TANC1: variants seen among roughly 807,000 people sequenced by gnomAD.
The protein encoded by TANC1 is protein TANC1.
A neutral mutation model predicts 149.7 loss-of-function variants in TANC1; 77 were observed. The observed-to-expected ratio is 0.51, with a 90% CI of 0.43 to 0.62. The LOEUF (loss-of-function observed/expected upper bound fraction) is 0.62. Among genes scored for constraint, TANC1 ranks in the 20% least tolerant of loss-of-function variants. The pLI, the probability that TANC1 is intolerant of heterozygous loss-of-function variation, is 0.00. For missense variants in TANC1, 1,985 were observed against 2,321.8 expected (o/e 0.85, Z 2.98); for synonymous variants, 854 against 925.0 (o/e 0.92, Z 1.39).
intron 2 of TANC1, among the ~76,000 whole-genome samples, chr2:159,007,519 C>T (rs535364980): frequency 6.6e-6 from 1 of 152,148 alleles, no homozygotes; most frequent in Non-Finnish European, 1.5e-5. Flanking sequence ...CAGTTGCCTA[C>T]AGTATTCACT....
chr2:159,190,986 G>A (rs1014268643), intron 16 of TANC1, among the ~76,000 whole-genome samples: 1 of 152,236 alleles, frequency 6.6e-6, no homozygotes, highest in Admixed American at 6.5e-5. Context: ...TAAGTCATTT[G>A]CCTGAAGTTG....
intron 21 of TANC1, 52 bp from the exon 22 acceptor site, chr2:159,219,640 T>C: frequency 6.2e-7 from 1 of 1,609,490 alleles, no homozygotes; most frequent in Non-Finnish European, 8.5e-7. Context: ...ATTTGCTTTC[T>C]GGCTTTGTCA....
At chr2:158,974,229 C>T (rs59905511) in intron 1 of TANC1, among the ~76,000 whole-genome samples, 1 of 152,020 alleles carries the variant, frequency 6.6e-6, no homozygotes, top group South Asian at 2.1e-4. Context: ...TTCCCTGTGC[C>T]TAGGCTCACT....
chr2:159,155,019 T>C (rs1158105741), intron 7 of TANC1, among the ~76,000 whole-genome samples: 2 of 152,250 alleles, frequency 1.3e-5, no homozygotes, highest in African/African-American at 2.4e-5. Flanking sequence ...CTGTAAGCTG[T>C]ATTAATCCCA....
chr2:159,134,950 A>G (rs930247229), intron 4 of TANC1, among the ~76,000 whole-genome samples: 2 of 152,136 alleles, frequency 1.3e-5, no homozygotes, highest in African/African-American at 4.8e-5. Context: ...TTGTTTAGGT[A>G]TAATACACAT....
chr2:159,034,834 G>T (rs1032774071), intron 2 of TANC1, among the ~76,000 whole-genome samples: 2 of 152,212 alleles, frequency 1.3e-5, no homozygotes, highest in East Asian at 3.8e-4. Context: ...CTGTGCTGTG[G>T]TTGAGTGTGA....
At chr2:158,991,849 A>T (rs562377856) in intron 1 of TANC1, among the ~76,000 whole-genome samples, 1 of 152,184 alleles carries the variant, frequency 6.6e-6, no homozygotes, top group Admixed American at 6.5e-5. Context: ...AACCTGTGCT[A>T]CTACAGTGTC....
At chr2:158,983,386 G>C (rs988530370) in intron 1 of TANC1, among the ~76,000 whole-genome samples, 1 of 148,030 alleles carries the variant, frequency 6.8e-6, no homozygotes, top group Admixed American at 6.9e-5. Flanking sequence ...AGAATAGCGT[G>C]AACCCGGGAG....
intron 1 of TANC1, among the ~76,000 whole-genome samples, chr2:158,979,571 C>T (rs1435338224): frequency 6.6e-6 from 1 of 151,618 alleles, no homozygotes; most frequent in Non-Finnish European, 1.5e-5. Context: ...TATTTCTGGT[C>T]CTGGAAACCC....
intron 2 of TANC1, among the ~76,000 whole-genome samples, chr2:159,065,361 T>A (rs1257045232): frequency 6.6e-6 from 1 of 152,228 alleles, no homozygotes; most frequent in East Asian, 1.9e-4. Flanking sequence ...CTGATCAGGG[T>A]TAAAATGTGT....
At position 159,140,843 on chromosome 2, in the gene TANC1, G is replaced by T. The variant is rs189752604; in HGVS notation, c.364+4545G>T. Among the ~76,000 whole-genome samples, 163 of 151,828 alleles carry T rather than the reference G, an allele frequency of 1.1e-3. 3 individuals carry two copies. Among genetic ancestry groups the T allele is most frequent in the African/African-American group, 3.7e-3 (154 of 41,398 alleles). On this transcript the variant is annotated intron_variant, in intron 5 of 26. Coordinates refer to ENST00000263635, the MANE Select transcript of TANC1 (RefSeq NM_033394.3). Reference sequence around the variant, plus strand: ...GTAGCTGGGATTACAGGCACCCACCGCCACACCCGGCTAATTTTTGTATTT... The same window carrying T: ...GTAGCTGGGATTACAGGCACCCACCTCCACACCCGGCTAATTTTTGTATTT...
chr2:159,219,049 A>G (rs2059523156), intron 20 of TANC1, among the ~76,000 whole-genome samples, 189 bp from the exon 21 acceptor site: 1 of 152,240 alleles, frequency 6.6e-6, no homozygotes, highest in African/African-American at 2.4e-5. Flanking sequence ...AAAAGAGTGC[A>G]TATTTTGGAA....
chr2:159,116,458 A>C (rs867296392), intron 4 of TANC1, among the ~76,000 whole-genome samples: 57 of 148,806 alleles, frequency 3.8e-4, no homozygotes, highest in African/African-American at 1.2e-3. Context: ...CAACAACAAA[A>C]AAAAAAAAAC....
chr2:159,023,874 A>G lies in TANC1; in HGVS notation c.-16+22685A>G, dbSNP rs572478642. Among the ~76,000 whole-genome samples the G allele has an allele frequency of 1.4e-3, 220 of 152,146 alleles. 3 individuals carry two copies. The highest frequency in any genetic ancestry group is 2.5e-3 in the Non-Finnish European group (168 of 67,986). The stretch of plus-strand genomic sequence containing the variant: ...TCCCAGCTACTCGAGAGGCTGAGGC[A>G]GGAGAATCACTTGAACCCAGGAGGT... On this transcript the variant is annotated intron_variant, in intron 2 of 26. Coordinates refer to ENST00000263635, the MANE Select transcript of TANC1 (RefSeq NM_033394.3).
intron 8 of TANC1, among the ~76,000 whole-genome samples, chr2:159,167,946 C>T (rs1250492935): frequency 6.6e-6 from 1 of 152,122 alleles, no homozygotes; most frequent in South Asian, 2.1e-4. Context: ...TGGCCCAACT[C>T]GACTTCTGTC....
intron 2 of TANC1, among the ~76,000 whole-genome samples, chr2:159,042,881 G>A (rs1032501415): frequency 6.6e-6 from 1 of 152,150 alleles, no homozygotes; most frequent in Non-Finnish European, 1.5e-5. Flanking sequence ...ACTTCAGCAT[G>A]CTAAGGGTTT....
At chr2:159,029,167 A>G (rs2039587451) in intron 2 of TANC1, among the ~76,000 whole-genome samples, 1 of 152,226 alleles carries the variant, frequency 6.6e-6, no homozygotes. Context: ...ATGTGGTAGC[A>G]TGTATCAGGA....
intron 19 of TANC1, among the ~76,000 whole-genome samples, chr2:159,211,862 T>C (rs1466325635): frequency 3.3e-5 from 5 of 152,378 alleles, no homozygotes; most frequent in Middle Eastern, 3.4e-3. Flanking sequence ...TACAGGTTTT[T>C]AGTTGCCTCA....
At chr2:159,121,221 A>C (rs558250983) in intron 4 of TANC1, among the ~76,000 whole-genome samples, 1 of 152,170 alleles carries the variant, frequency 6.6e-6, no homozygotes, top group South Asian at 2.1e-4. Context: ...TTGAAATCCT[A>C]CCTGATGCTG....
Sources: allele counts gnomAD v4.1 joint callset (sites outside exome capture counted in the v4.1 genomes callset), GRCh38; gene constraint gnomAD v4.1.1; transcripts MANE v1.5; gene names NCBI Gene and HGNC (gene_info 2026-07-23, HGNC 2026-07-21).